Variants in RCN2 observed in about 807,000 individuals in gnomAD.
RCN2 encodes the protein reticulocalbin-2.
RCN2 carries 23 observed loss-of-function variants against 37.5 expected under a neutral mutation model. That is an observed-to-expected ratio of 0.61 (90% CI 0.44 to 0.87). The LOEUF is 0.87. Ranked by LOEUF, RCN2 falls within the 40% of genes least tolerant of loss-of-function variation. RCN2 has a pLI of 0.00. For missense variants in RCN2, 381 were observed against 390.4 expected (o/e 0.98, Z 0.20); for synonymous variants, 140 against 144.6 (o/e 0.97, Z 0.23).
Position 76,935,708 on chromosome 15 carries a change from G to T in RCN2, c.433G>T (p.Glu145Ter). Residue 145 changes from glutamate (E) to a stop codon, truncating the protein, a stop_gained, in exon 3 of 7, where the codon GAG becomes TAG. Transcript: ENST00000394885. LOFTEE classifies it high-confidence loss of function. ...ENTALDDAEE[E>*]SFRKLHLKDK... is the part of the protein sequence containing the mutation. Reference sequence around the variant, plus strand: ...CACTGCTCTGGATGATGCAGAAGAGGAGTCCTTTAGGAAGGTGAGTTCATG... The same window carrying T: ...CACTGCTCTGGATGATGCAGAAGAGTAGTCCTTTAGGAAGGTGAGTTCATG... 1.2e-6 allele frequency: 2 copies of T among 1,612,192 alleles called. No individual in the cohort carries two copies. Among genetic ancestry groups the T allele is most frequent in the East Asian group, 2.2e-5 (1 of 44,764 alleles).
At chr15:76,941,735 G>T in intron 3 of RCN2, 1 of 1,034,298 alleles carries the variant, frequency 9.7e-7, no homozygotes, top group South Asian at 2.2e-5. Flanking sequence ...CGTGAAATGT[G>T]AACCAGAAAA....
In RCN2 at chr15:76,948,535, G is replaced by A. The variant is rs1416850226; in HGVS notation, c.784G>A (p.Gly262Ser). The change falls in exon 6 of 7, where the codon GGC becomes AGC. Residue 262 changes from glycine (G) to serine (S), a missense_variant. Physicochemically the swap from Gly to Ser is moderately conservative, Grantham distance 56. Coordinates refer to ENST00000394885, the MANE Select transcript of RCN2 (RefSeq NM_002902.3). ...LLPWVVPNNQ[G>S]IAQEEALHLI... ...ACCTTGGGTAGTACCTAATAATCAG[G>A]GCATTGCACAAGAGGAGGTAAGTGT... The A allele has an allele frequency of 1.9e-6, 3 of 1,579,506 alleles. 1 individual carries two copies. Among genetic ancestry groups the A allele is most frequent in the Non-Finnish European group, 2.6e-6 (3 of 1,160,166 alleles).
At chr15:76,944,216 C>G (rs1296229546) in intron 4 of RCN2, among the ~76,000 whole-genome samples, 1 of 151,748 alleles carries the variant, frequency 6.6e-6, no homozygotes, top group Admixed American at 6.6e-5. Context: ...CTCCTGACCT[C>G]GTGATCCGCC....
intron 4 of RCN2, among the ~76,000 whole-genome samples, chr15:76,945,871 C>G (rs1208447698): frequency 6.6e-6 from 1 of 152,070 alleles, no homozygotes. Flanking sequence ...AATACATGAC[C>G]CAGTTTAAGA....
chr15:76,950,836 A>T lies in RCN2; in HGVS notation c.*1614A>T, dbSNP rs1413664743. The T allele has an allele frequency of 6.6e-6, 1 of 151,942 alleles. No individual in the cohort carries two copies. The highest frequency in any genetic ancestry group is 1.5e-5 in the Non-Finnish European group (1 of 67,986). 9.4% of individuals were successfully genotyped at this position (151,942 alleles called of 1,614,324 possible). A position where few individuals can be genotyped will look rare whatever the true frequency, so the allele number is the denominator to read the frequency against. ...CTATGACTATTTGAGAAGACATGAA[A>T]CTCTTCTCTGATAGAATCGACTGCA... On this transcript the variant is annotated 3_prime_UTR_variant, in exon 7 of 7. Coordinates refer to ENST00000394885, the MANE Select transcript of RCN2 (RefSeq NM_002902.3).
chr15:76,938,004 CATGTG>C (rs2075260191), intron 3 of RCN2, among the ~76,000 whole-genome samples: 1 of 152,122 alleles, frequency 6.6e-6, no homozygotes, highest in African/African-American at 2.4e-5. Flanking sequence ...TTACAGAGTA[CATGTG>C]ATATTTTGAT....
Position 76,939,460 on chromosome 15 carries a change from G to C in RCN2, c.447+3738G>C, listed in dbSNP as rs534015791. Among the ~76,000 whole-genome samples the C allele has an allele frequency of 3.9e-5, 6 of 152,140 alleles. 1 individual carries two copies. The highest frequency in any genetic ancestry group is 1.4e-4 in the African/African-American group (6 of 41,510). On this transcript the variant is annotated intron_variant, in intron 3 of 6. Coordinates refer to ENST00000394885, the MANE Select transcript of RCN2 (RefSeq NM_002902.3). The stretch of plus-strand genomic sequence containing the variant: ...TTTGTTAACTATCAGCTTTAGATTA[G>C]TTAGGATTTTATTTTTTAAGGGGAA...
chr15:76,943,762 A>AT lies in RCN2; in HGVS notation c.452_453insT (p.Asp154GlyfsTer6), dbSNP rs2075284447. On this transcript the variant is annotated frameshift_variant, in exon 4 of 7. Coordinates refer to ENST00000394885, the MANE Select transcript of RCN2 (RefSeq NM_002902.3). LOFTEE classifies it high-confidence loss of function. ...GAGAAATTTTAATTTTCAAAGCTTCACTTAAAGGACAAGAAGCGATTTGAA... is the reference window on the plus strand; with the variant it reads ...GAGAAATTTTAATTTTCAAAGCTTCATCTTAAAGGACAAGAAGCGATTTGAA... The AT allele has an allele frequency of 6.3e-7, 1 of 1,577,210 alleles. No individual in the cohort carries two copies. The highest frequency in any genetic ancestry group is 1.4e-5 in the African/African-American group (1 of 73,970).
Position 76,932,353 on chromosome 15 carries a change from C to G in RCN2, c.145-8C>G, listed in dbSNP as rs1398644825. 5 of 1,606,170 alleles carry G rather than the reference C, an allele frequency of 3.1e-6. No individual in the cohort carries two copies. Among genetic ancestry groups the G allele is most frequent in the Non-Finnish European group, 4.3e-6 (5 of 1,173,076 alleles). Reference sequence around the variant, plus strand: ...CTTGGCCCTCCTGTGTGTCGCTTCCCCCTAAAGGAAGATGTGGATGAATAT... The same window carrying G: ...CTTGGCCCTCCTGTGTGTCGCTTCCGCCTAAAGGAAGATGTGGATGAATAT... On this transcript the variant is annotated splice_region_variant and splice_polypyrimidine_tract_variant and intron_variant, in intron 1 of 6. Coordinates refer to ENST00000394885, the MANE Select transcript of RCN2 (RefSeq NM_002902.3).
intron 3 of RCN2, among the ~76,000 whole-genome samples, chr15:76,938,389 C>T (rs936414377): frequency 1.3e-5 from 2 of 152,146 alleles, no homozygotes; most frequent in African/African-American, 2.4e-5. Context: ...CACTTTATAT[C>T]AGGGAATTGA....
intron 1 of RCN2, 100 bp from the exon 2 acceptor site, chr15:76,932,261 C>G: frequency 1.0e-6 from 1 of 954,996 alleles, no homozygotes; most frequent in South Asian, 1.4e-5. Flanking sequence ...CACCCCGAAA[C>G]CCTTTGGCAA....
At position 76,948,532 on chromosome 15, in the gene RCN2, C is replaced by A. The variant is rs1256432074; in HGVS notation, c.781C>A (p.Gln261Lys). ...GTTACCTTGGGTAGTACCTAATAAT[C>A]AGGGCATTGCACAAGAGGAGGTAAG... ...ELLPWVVPNN[Q>K]GIAQEEALHL... is the part of the protein sequence containing the mutation. Residue 261 changes from glutamine to lysine, a missense_variant, in exon 6 of 7, where the codon CAG (glutamine) becomes AAG (lysine). Gln to Lys is a moderately conservative substitution (Grantham distance 53). Transcript: ENST00000394885. The A allele has an allele frequency of 3.2e-6, 5 of 1,582,994 alleles. No homozygotes were observed. The highest frequency in any genetic ancestry group is 3.4e-6 in the Non-Finnish European group (4 of 1,162,070).
chr15:76,950,202 T>G lies in RCN2; in HGVS notation c.*980T>G, dbSNP rs538569442. The G allele has an allele frequency of 6.6e-6, 1 of 152,228 alleles. No individual in the cohort carries two copies. Among genetic ancestry groups the G allele is most frequent in the South Asian group, 2.1e-4 (1 of 4,808 alleles). The allele number at this position is 152,228 out of a possible 1,614,324, so 9.4% of individuals were successfully genotyped here. ...TGGAATTACCAATAGAGCTGGTCAG[T>G]TATCAACAGTAGAGCTCAGTATCAA... On this transcript the variant is annotated 3_prime_UTR_variant, in exon 7 of 7. Transcript: ENST00000394885.
In RCN2 at chr15:76,936,811, C is replaced by T. The variant is rs189107551; in HGVS notation, c.447+1089C>T. ...AGGGAGGACTGTGTAACAAATTGAC[C>T]ATTGTAACCATTTTAAAGTGTACAG... On this transcript the variant is annotated intron_variant, in intron 3 of 6. Coordinates refer to ENST00000394885, the MANE Select transcript of RCN2 (RefSeq NM_002902.3). 2.8e-3 allele frequency among the ~76,000 whole-genome samples: 430 copies of T among 152,204 alleles called. 1 individual carries two copies. Among genetic ancestry groups the T allele is most frequent in the African/African-American group, 0.01 (416 of 41,512 alleles).
In RCN2 at chr15:76,953,265, C is replaced by T. The variant is rs1404795292; in HGVS notation, c.*4043C>T. The T allele has an allele frequency of 6.6e-6, 1 of 152,014 alleles. No homozygotes were observed. The highest frequency in any genetic ancestry group is 1.5e-5 in the Non-Finnish European group (1 of 67,998). The allele number at this position is 152,014 out of a possible 1,614,324, so 9.4% of individuals were successfully genotyped here. ...TAGTTTGTGTCTATTAAAATAGACT[C>T]ATATAGTATTTGTCTTTTTGTGAGT... On this transcript the variant is annotated 3_prime_UTR_variant, in exon 7 of 7. Transcript: ENST00000394885.
At chr15:76,940,007 T>TTA (rs1484212489) in intron 3 of RCN2, among the ~76,000 whole-genome samples, 1 of 152,206 alleles carries the variant, frequency 6.6e-6, no homozygotes, top group African/African-American at 2.4e-5. Context: ...AATGTGTTGA[T>TTA]TATAACACTC....
intron 3 of RCN2, chr15:76,941,610 T>G: frequency 7.4e-7 from 1 of 1,357,284 alleles, no homozygotes; most frequent in Non-Finnish European, 1.0e-6. Flanking sequence ...TTTATGAAAC[T>G]GACCATCTTT....
intron 5 of RCN2, chr15:76,948,142 G>GATATCGGAACAAAT (rs1420799543): frequency 3.7e-6 from 1 of 268,308 alleles, no homozygotes; most frequent in African/African-American, 2.2e-5. Flanking sequence ...GGGAAAACTA[G>GATATCGGAACAAAT]ATATCGGAAC....
chr15:76,939,229 TAAAAATAA>T (rs895489250), intron 3 of RCN2, among the ~76,000 whole-genome samples: 1 of 126,624 alleles, frequency 7.9e-6, no homozygotes, highest in African/African-American at 3.0e-5. Flanking sequence ...ACCTCATTTC[TAAAAATAA>T]ATAAATAAAT....
Sources: gnomAD v4.1 joint callset for allele counts (sites outside exome capture counted in the v4.1 genomes callset) on GRCh38, gnomAD v4.1.1 for gene constraint, MANE v1.5 for transcripts, NCBI Gene and HGNC (gene_info 2026-07-23, HGNC 2026-07-21) for gene names.